SLC2A5: variants seen among roughly 807,000 people sequenced by gnomAD.
SLC2A5 encodes the protein solute carrier family 2 member 5.
In SLC2A5, 56 loss-of-function variants were observed where a neutral mutation model predicts 50.3. The observed-to-expected ratio is 1.11, with a 90% CI of 0.90 to 1.39. The LOEUF is 1.39. SLC2A5 is among the 40% of genes most tolerant of loss of function. The pLI, the probability that SLC2A5 is intolerant of heterozygous loss-of-function variation, is 0.00. For synonymous variants in SLC2A5, 269 were observed against 281.9 expected, an observed-to-expected ratio of 0.95 and a Z score of 0.46; for missense variants, 566 against 650.1, an observed-to-expected ratio of 0.87 and a Z score of 1.41.
At chr1:9,074,182 G>A (rs190022074), upstream of SLC2A5, among the ~76,000 whole-genome samples, 7 of 152,098 alleles carry the variant, frequency 4.6e-5, no homozygotes, top group Admixed American at 3.9e-4. Context: ...TGGAGCGGAG[G>A]GGGGCAAGCA....
chr1:9,093,821 C>T, the SLC2A5 span, among the ~76,000 whole-genome samples: 3 of 152,298 alleles, frequency 2.0e-5, no homozygotes, highest in South Asian at 6.2e-4. Flanking sequence ...CACAGCCCTT[C>T]CTGCACCCCT....
At position 9,039,650 on chromosome 1, in the gene SLC2A5, CG is replaced by C. The variant is rs1345962508; in HGVS notation, c.897del (p.Tyr299Ter). 6.5e-7 allele frequency: 1 copy of C among 1,548,738 alleles called. No individual in the cohort carries two copies. The highest frequency in any genetic ancestry group is 8.7e-7 in the Non-Finnish European group (1 of 1,147,526). On this transcript the variant is annotated frameshift_variant, in exon 8 of 12. Coordinates refer to ENST00000377424, the MANE Select transcript of SLC2A5 (RefSeq NM_003039.3). LOFTEE classifies it high-confidence loss of function. ...CCGGCGCTCAGGTAGATCTGGTCCG[CG>C]TAGTAGTAGATCTGCAAGGCAAGCG... The part of the protein sequence containing the change: ...QLSGVNAIYY[Y>X]ADQIYLSAGV...
intron 2 of SLC2A5, chr1:9,082,880 C>CAAAA: frequency 7.4e-5 from 10 of 135,360 alleles, no homozygotes; most frequent in South Asian, 3.6e-4. Flanking sequence ...GCAAACAGGA[C>CAAAA]AAAAAAAAAA....
rs1165457693 is a variant in SLC2A5, at chr1:9,039,940, C to T, written c.745G>A (p.Glu249Lys). 1.1e-5 allele frequency: 18 copies of T among 1,612,776 alleles called. No individual in the cohort carries two copies. Among genetic ancestry groups the T allele is most frequent in the Admixed American group, 5.0e-5 (3 of 59,990 alleles). The change falls in exon 7 of 12, where the codon GAG becomes AAG. Residue 249 changes from glutamate (E) to lysine (K), a missense_variant. Transcript: ENST00000377424. ...GWDSVDREVA[E>K]IRQEDEAEKA... ...TCTGCCTCATCCTCCTGCCGGATCT[C>T]GGCCACCTCCCTGTCCACAGAGTCC...
chr1:9,056,008 T>C (rs1415479930), intron 3 of SLC2A5, among the ~76,000 whole-genome samples: 1 of 152,168 alleles, frequency 6.6e-6, no homozygotes, highest in Non-Finnish European at 1.5e-5. Context: ...GACAGCTCAA[T>C]TAGCAACCTT....
At chr1:9,085,461 T>C (rs1316327634) in intron 1 of SLC2A5, among the ~76,000 whole-genome samples, 2 of 152,222 alleles carry the variant, frequency 1.3e-5, no homozygotes. Context: ...CAGAAAGGAA[T>C]GTCTGTAAGA....
At chr1:9,058,041 T>C in intron 2 of SLC2A5, 111 bp downstream of exon 2, 1 of 743,894 alleles carries the variant, frequency 1.3e-6, no homozygotes, top group Admixed American at 2.2e-5. Context: ...TGTTTCCCTC[T>C]CCCTTTGCTT....
chr1:9,077,444 AAAAC>A (rs1642298443), intron 2 of SLC2A5, among the ~76,000 whole-genome samples: 1 of 146,002 alleles, frequency 6.8e-6, no homozygotes, highest in Non-Finnish European at 1.5e-5. Flanking sequence ...AAACAAAAAA[AAAAC>A]CCCCAGAAAA....
intron 1 of SLC2A5, 92 bp from the exon 2 acceptor site, chr1:9,058,342 C>A: frequency 1.2e-6 from 1 of 865,828 alleles, no homozygotes; most frequent in Non-Finnish European, 1.9e-6. Flanking sequence ...GTAACAGAAT[C>A]TGAAGATCCA....
intron 3 of SLC2A5, among the ~76,000 whole-genome samples, chr1:9,051,407 C>T (rs574364329): frequency 7.9e-5 from 12 of 152,228 alleles, no homozygotes; most frequent in Non-Finnish European, 1.6e-4. Flanking sequence ...GAAGGCATAT[C>T]TAAAAGCACT....
intron 3 of SLC2A5, among the ~76,000 whole-genome samples, chr1:9,051,422 TC>T (rs1641574419): frequency 6.6e-6 from 1 of 152,070 alleles, no homozygotes; most frequent in South Asian, 2.1e-4. Flanking sequence ...AGCACTGTTG[TC>T]CAAAATGTAC....
intron 1 of SLC2A5, among the ~76,000 whole-genome samples, chr1:9,063,688 T>TATAGAGACAGGGTCTTGCTATG (rs1642005139): frequency 6.2e-5 from 2 of 32,358 alleles, no homozygotes; most frequent in Non-Finnish European, 1.0e-4. Flanking sequence ...TTACTTTTTT[T>TATAGAGACAGGGTCTTGCTATG]TTTTTTTTTT....
intron 5 of SLC2A5, chr1:9,041,157 C>T (rs757065385): frequency 4.3e-5 from 16 of 376,162 alleles, no homozygotes; most frequent in Non-Finnish European, 5.7e-5. Flanking sequence ...AGAACCCTGG[C>T]GGGAACTGGC....
chr1:9,080,871 C>T (rs575645285), intron 2 of SLC2A5, among the ~76,000 whole-genome samples: 8 of 152,304 alleles, frequency 5.3e-5, no homozygotes, highest in African/African-American at 1.7e-4. Context: ...TGAGTCACTC[C>T]GCCTGGCCTT....
chr1:9,085,517 T>C (rs886358841), intron 1 of SLC2A5, among the ~76,000 whole-genome samples: 1 of 152,224 alleles, frequency 6.6e-6, no homozygotes, highest in African/African-American at 2.4e-5. Context: ...ATGAAGCTTT[T>C]AGCTAGCAGG....
At chr1:9,060,692 G>A (rs1641918189) in intron 1 of SLC2A5, among the ~76,000 whole-genome samples, 1 of 84,648 alleles carries the variant, frequency 1.2e-5, no homozygotes. Context: ...CATACACACA[G>A]CCCACCCCAC....
At chr1:9,079,723 G>A (rs570158506) in intron 2 of SLC2A5, among the ~76,000 whole-genome samples, 1 of 152,192 alleles carries the variant, frequency 6.6e-6, no homozygotes, top group Non-Finnish European at 1.5e-5. Context: ...CCGACCTCAG[G>A]TGATCTGCCC....
chr1:9,092,830 C>T (rs562156128), upstream of SLC2A5, among the ~76,000 whole-genome samples: 2 of 152,256 alleles, frequency 1.3e-5, no homozygotes, highest in South Asian at 4.1e-4. Flanking sequence ...CCCCTATCAA[C>T]CTCAGTCTTC....
At chr1:9,053,153 ATT>A (rs1641633403) in intron 3 of SLC2A5, among the ~76,000 whole-genome samples, 1 of 98,130 alleles carries the variant, frequency 1.0e-5, no homozygotes, top group African/African-American at 4.3e-5. Flanking sequence ...GTTAATATAT[ATT>A]TTATATATTT....
Sources: allele counts gnomAD v4.1 joint callset (sites outside exome capture counted in the v4.1 genomes callset), GRCh38; gene constraint gnomAD v4.1.1; transcripts MANE v1.5; gene names NCBI Gene and HGNC (gene_info 2026-07-23, HGNC 2026-07-21).